The following CHRM3 variants were observed in gnomAD, a reference collection of about 807,000 sequenced individuals.
The protein encoded by CHRM3 is cholinergic receptor muscarinic 3.
In CHRM3, 11 loss-of-function variants were observed where a neutral mutation model predicts 41.8. The observed-to-expected ratio is 0.26, with a 90% CI of 0.17 to 0.44. The LOEUF (loss-of-function observed/expected upper bound fraction) is 0.44. CHRM3 is among the 20% of genes least tolerant of loss of function. The pLI, the probability that CHRM3 is intolerant of heterozygous loss-of-function variation, is 1.00. For missense variants in CHRM3, 571 were observed against 745.4 expected (o/e 0.77, Z 2.72); for synonymous variants, 297 against 301.4 (o/e 0.99, Z 0.15).
intron 3 of CHRM3, among the ~76,000 whole-genome samples, chr1:239,560,054 G>A (rs965651849): frequency 1.9e-4 from 29 of 152,136 alleles, no homozygotes; most frequent in African/African-American, 6.8e-4. Context: ...ATGGCATTTT[G>A]TGTGCAAAAT....
intron 6 of CHRM3, among the ~76,000 whole-genome samples, chr1:239,877,104 T>A (rs990798062): frequency 5.9e-5 from 9 of 152,192 alleles, no homozygotes; most frequent in African/African-American, 2.2e-4. Flanking sequence ...AACCCAGACA[T>A]ACACACACAG....
At chr1:239,569,749 T>G (rs752734082) in intron 3 of CHRM3, among the ~76,000 whole-genome samples, 1 of 152,134 alleles carries the variant, frequency 6.6e-6, no homozygotes, top group South Asian at 2.1e-4. Context: ...AAATTCTGAA[T>G]TGGATGGCAA....
rs34217551 is a variant in CHRM3, at chr1:239,806,442, ACC to A, written c.-146-20807_-146-20806del. Among the ~76,000 whole-genome samples, 945 of 148,308 alleles carry A rather than the reference ACC, an allele frequency of 6.4e-3. 10 individuals carry two copies. The highest frequency in any genetic ancestry group is 0.01 in the Non-Finnish European group (688 of 66,684). Reference sequence around the variant, plus strand: ...TACACACACACACACACACACACACACCCCTGTGGACATCCAGAGATTGTAAT... The same window carrying A: ...TACACACACACACACACACACACACACCTGTGGACATCCAGAGATTGTAAT... On this transcript the variant is annotated intron_variant, in intron 5 of 6. Transcript: ENST00000676153.
intron 1 of CHRM3, among the ~76,000 whole-genome samples, chr1:239,410,853 T>G (rs2103041199): frequency 6.6e-6 from 1 of 152,352 alleles, no homozygotes; most frequent in South Asian, 2.1e-4. Flanking sequence ...TATATTTTTC[T>G]GAGGCAAAAT....
chr1:239,663,469 C>CGGT (rs1558432101), intron 4 of CHRM3, among the ~76,000 whole-genome samples: 1 of 152,092 alleles, frequency 6.6e-6, no homozygotes, highest in African/African-American at 2.4e-5. Context: ...GGTCCCATGC[C>CGGT]GGTGCCCTCA....
At chr1:239,606,933 C>T (rs901489917) in intron 3 of CHRM3, among the ~76,000 whole-genome samples, 3 of 152,162 alleles carry the variant, frequency 2.0e-5, no homozygotes, top group Non-Finnish European at 4.4e-5. Flanking sequence ...TGAAAGGGGG[C>T]CTATGTCCCC....
intron 5 of CHRM3, among the ~76,000 whole-genome samples, chr1:239,701,439 A>G (rs1488577098): frequency 6.6e-6 from 1 of 152,096 alleles, no homozygotes; most frequent in Non-Finnish European, 1.5e-5. Flanking sequence ...ATCTTTCCTC[A>G]TTCACCAAGA....
chr1:239,641,307 T>A (rs1260506481), intron 4 of CHRM3, among the ~76,000 whole-genome samples: 1 of 151,726 alleles, frequency 6.6e-6, no homozygotes, highest in Non-Finnish European at 1.5e-5. Context: ...TGAGTTCAAT[T>A]CCTGGATATC....
chr1:239,488,359 T>A (rs1667321937), intron 1 of CHRM3, among the ~76,000 whole-genome samples: 1 of 152,142 alleles, frequency 6.6e-6, no homozygotes, highest in African/African-American at 2.4e-5. Flanking sequence ...ACCAGAATGT[T>A]CATTAATAGA....
chr1:239,863,718 G>C (rs1306126299), intron 6 of CHRM3, among the ~76,000 whole-genome samples: 1 of 151,212 alleles, frequency 6.6e-6, no homozygotes, highest in African/African-American at 2.5e-5. Flanking sequence ...AAGGTGGGGG[G>C]AAGAGAAAGA....
intron 3 of CHRM3, among the ~76,000 whole-genome samples, chr1:239,572,983 A>G (rs1661971765): frequency 6.6e-6 from 1 of 151,988 alleles, no homozygotes; most frequent in South Asian, 2.1e-4. Flanking sequence ...CCTCATCTTC[A>G]CTTCGTTGAA....
At chr1:239,643,025 G>A (rs538167167) in intron 4 of CHRM3, among the ~76,000 whole-genome samples, 1 of 152,282 alleles carries the variant, frequency 6.6e-6, no homozygotes, top group Admixed American at 6.5e-5. Context: ...TTTGCTAGAG[G>A]TCCACTCCAG....
intron 2 of CHRM3, among the ~76,000 whole-genome samples, chr1:239,527,098 C>T (rs947698053): frequency 6.6e-6 from 1 of 152,104 alleles, no homozygotes; most frequent in Non-Finnish European, 1.5e-5. Context: ...GGATTCCAGC[C>T]TGTGCGACAG....
chr1:239,747,746 C>T (rs905142730), intron 5 of CHRM3, among the ~76,000 whole-genome samples: 2 of 152,086 alleles, frequency 1.3e-5, no homozygotes, highest in South Asian at 4.1e-4. Context: ...AACATAGATG[C>T]TTAGGCCGGG....
intron 4 of CHRM3, among the ~76,000 whole-genome samples, chr1:239,658,374 C>G (rs1672899554): frequency 6.6e-6 from 1 of 152,174 alleles, no homozygotes; most frequent in South Asian, 2.1e-4. Flanking sequence ...CTTCTTTGGA[C>G]TCAACTAGAA....
At chr1:239,813,866 G>T (rs1226919425) in intron 5 of CHRM3, among the ~76,000 whole-genome samples, 1 of 134,912 alleles carries the variant, frequency 7.4e-6, no homozygotes, top group Non-Finnish European at 1.5e-5. Context: ...GCAGTGAGCC[G>T]AGATCCCGCC....
At chr1:239,859,088 A>G (rs774063582) in intron 6 of CHRM3, among the ~76,000 whole-genome samples, 6 of 152,110 alleles carry the variant, frequency 3.9e-5, no homozygotes, top group Admixed American at 6.5e-5. Flanking sequence ...ATATGTTTTC[A>G]TTTCTTCTGG....
At chr1:239,699,316 A>C (rs1048242316) in intron 5 of CHRM3, among the ~76,000 whole-genome samples, 3 of 152,154 alleles carry the variant, frequency 2.0e-5, no homozygotes, top group African/African-American at 7.2e-5. Flanking sequence ...GATTACCCTT[A>C]GATGAGGTCC....
At chr1:239,621,126 A>T (rs1478193890) in intron 3 of CHRM3, among the ~76,000 whole-genome samples, 1 of 152,144 alleles carries the variant, frequency 6.6e-6, no homozygotes, top group Non-Finnish European at 1.5e-5. Context: ...TGACATGGTG[A>T]TCTGGAATCA....
Sources: allele counts gnomAD v4.1 joint callset (sites outside exome capture counted in the v4.1 genomes callset), GRCh38; gene constraint gnomAD v4.1.1; transcripts MANE v1.5; gene names NCBI Gene and HGNC (gene_info 2026-07-23, HGNC 2026-07-21).